ZNF385D: variants seen among roughly 807,000 people sequenced by gnomAD.
The protein encoded by ZNF385D is zinc finger protein 659.
A neutral mutation model predicts 35.8 loss-of-function variants in ZNF385D; 15 were observed. That is an observed-to-expected ratio of 0.42 (90% CI 0.28 to 0.64). The LOEUF is 0.64. Among genes scored for constraint, ZNF385D ranks in the 30% least tolerant of loss-of-function variants. The pLI is 0.23. For synonymous variants in ZNF385D, 212 were observed against 186.8 expected (o/e 1.13, Z -1.10); for missense variants, 474 against 494.6 (o/e 0.96, Z 0.39).
chr3:21,424,320 T>TATATATATATACTTATATATA (rs1418109308), intron 6 of ZNF385D, among the ~76,000 whole-genome samples: 1 of 117,746 alleles, frequency 8.5e-6, no homozygotes, highest in Non-Finnish European at 1.7e-5. Context: ...TATATATATT[T>TATATATATATACTTATATATA]TTTTTTTTTT....
chr3:21,719,719 G>C (rs1202852380), intron 1 of ZNF385D, among the ~76,000 whole-genome samples: 1 of 152,062 alleles, frequency 6.6e-6, no homozygotes, highest in Non-Finnish European at 1.5e-5. Flanking sequence ...ATCCTTAGAA[G>C]CAGCCCGACT....
At chr3:21,955,244 G>C (rs1702231217) in intron 3 of ZNF385D, among the ~76,000 whole-genome samples, 1 of 152,110 alleles carries the variant, frequency 6.6e-6, no homozygotes, top group Non-Finnish European at 1.5e-5. Flanking sequence ...TGCTGGCTCT[G>C]TTCTTAAAAT....
intron 2 of ZNF385D, among the ~76,000 whole-genome samples, chr3:22,176,949 A>C (rs1380212959): frequency 6.6e-6 from 1 of 152,226 alleles, no homozygotes; most frequent in Admixed American, 6.5e-5. Flanking sequence ...TGTATTCCTC[A>C]AAGTTTCAAA....
intron 3 of ZNF385D, among the ~76,000 whole-genome samples, chr3:22,147,529 G>A (rs1036176852): frequency 6.6e-6 from 1 of 152,070 alleles, no homozygotes; most frequent in East Asian, 1.9e-4. Context: ...CAATACAGAG[G>A]AAAACCCACC....
intron 3 of ZNF385D, among the ~76,000 whole-genome samples, chr3:21,929,323 A>T (rs1322808544): frequency 1.3e-5 from 2 of 152,098 alleles, no homozygotes; most frequent in Non-Finnish European, 2.9e-5. Flanking sequence ...TCTCAAACTA[A>T]TAAAGGGCAT....
chr3:21,979,039 T>C (rs754191121), intron 3 of ZNF385D, among the ~76,000 whole-genome samples: 2 of 152,210 alleles, frequency 1.3e-5, no homozygotes, highest in Non-Finnish European at 2.9e-5. Flanking sequence ...GCCTGCTCAA[T>C]GGACAGGTGA....
rs1181354634 is a variant in ZNF385D, at chr3:21,418,664, C to T, written c.*2550G>A. ...CCCAGGACACTGTGTATCCCATAGGCCCTGATTTTTAGTGGACTGGCTCAT... is the reference window on the plus strand; with the variant it reads ...CCCAGGACACTGTGTATCCCATAGGTCCTGATTTTTAGTGGACTGGCTCAT... On this transcript the variant is annotated 3_prime_UTR_variant, in exon 8 of 8. Transcript: ENST00000281523. 6.6e-6 allele frequency: 1 copy of T among 152,056 alleles called. No homozygotes were observed. Among genetic ancestry groups the T allele is most frequent in the Non-Finnish European group, 1.5e-5 (1 of 68,004 alleles). 9.4% of individuals were successfully genotyped at this position (152,056 alleles called of 1,614,324 possible). A position where few individuals can be genotyped will look rare whatever the true frequency, so the allele number is the denominator to read the frequency against.
At chr3:21,764,965 T>C (rs1319401890) in intron 3 of ZNF385D, among the ~76,000 whole-genome samples, 1 of 152,174 alleles carries the variant, frequency 6.6e-6, no homozygotes, top group Non-Finnish European at 1.5e-5. Flanking sequence ...CTTTTAAAGA[T>C]CTTCTAGCAT....
intron 3 of ZNF385D, among the ~76,000 whole-genome samples, chr3:21,927,675 G>A (rs1024102033): frequency 2.6e-5 from 4 of 152,124 alleles, no homozygotes; most frequent in Admixed American, 6.5e-5. Flanking sequence ...ACATAATAGA[G>A]CTAGAGTGAA....
At chr3:21,885,734 C>CTGTGTGTGTGTGTGTGTGTGTG in intron 3 of ZNF385D, among the ~76,000 whole-genome samples, 1 of 131,932 alleles carries the variant, frequency 7.6e-6, no homozygotes, top group East Asian at 2.0e-4. Context: ...CAGGGTGTGT[C>CTGTGTGTGTGTGTGTGTGTGTG]TGTGTCTGTG....
intron 3 of ZNF385D, among the ~76,000 whole-genome samples, chr3:22,040,154 T>C (rs1364882092): frequency 6.6e-6 from 1 of 151,940 alleles, no homozygotes; most frequent in Non-Finnish European, 1.5e-5. Context: ...TGAGATCAAC[T>C]TCACCATTAC....
At chr3:21,577,034 C>T (rs1170315004) in intron 2 of ZNF385D, among the ~76,000 whole-genome samples, 2 of 152,052 alleles carry the variant, frequency 1.3e-5, no homozygotes, top group African/African-American at 2.4e-5. Flanking sequence ...TCTCATTTAG[C>T]TATTTGAAGA....
chr3:21,673,606 C>G (rs997099918), intron 1 of ZNF385D, among the ~76,000 whole-genome samples: 2 of 152,110 alleles, frequency 1.3e-5, no homozygotes, highest in African/African-American at 4.8e-5. Flanking sequence ...AAATCATCGT[C>G]CATTTCTAGA....
intron 2 of ZNF385D, among the ~76,000 whole-genome samples, chr3:22,227,100 T>G (rs1698604460): frequency 6.6e-6 from 1 of 152,148 alleles, no homozygotes; most frequent in Admixed American, 6.6e-5. Context: ...TCCAGCTATT[T>G]GTATATACAT....
intron 2 of ZNF385D, among the ~76,000 whole-genome samples, chr3:21,639,838 C>T (rs2065550398): frequency 6.6e-6 from 1 of 151,816 alleles, no homozygotes; most frequent in Non-Finnish European, 1.5e-5. Flanking sequence ...AAAATGTTCA[C>T]CATGTGAGTC....
intron 2 of ZNF385D, among the ~76,000 whole-genome samples, chr3:22,270,533 A>G (rs1701119226): frequency 1.3e-5 from 2 of 152,130 alleles, no homozygotes; most frequent in Non-Finnish European, 2.9e-5. Flanking sequence ...ACTATTCCTC[A>G]TTTTAAATTG....
intron 1 of ZNF385D, among the ~76,000 whole-genome samples, chr3:21,676,085 C>T (rs1229693067): frequency 1.3e-5 from 2 of 152,096 alleles, no homozygotes; most frequent in East Asian, 1.9e-4. Context: ...TGGCATGTCA[C>T]TGTCACCAGC....
chr3:21,789,024 A>C (rs1381369094), intron 3 of ZNF385D, among the ~76,000 whole-genome samples: 1 of 152,226 alleles, frequency 6.6e-6, no homozygotes, highest in Non-Finnish European at 1.5e-5. Context: ...GTTGTGGAAA[A>C]AAGTATCTTC....
chr3:21,680,993 T>A (rs548028594), intron 1 of ZNF385D, among the ~76,000 whole-genome samples: 1 of 152,074 alleles, frequency 6.6e-6, no homozygotes, highest in East Asian at 1.9e-4. Flanking sequence ...ATGCTTTGGA[T>A]TTTATTTCTG....
Sources: allele counts gnomAD v4.1 joint callset (sites outside exome capture counted in the v4.1 genomes callset), GRCh38; gene constraint gnomAD v4.1.1; transcripts MANE v1.5; gene names NCBI Gene and HGNC (gene_info 2026-07-23, HGNC 2026-07-21).